The following LPA variants were observed in gnomAD, a reference collection of about 807,000 sequenced individuals.
The protein encoded by LPA is apolipoprotein(a).
Under a neutral mutation model 197.9 loss-of-function variants are expected in LPA, and 199 were observed. That is an observed-to-expected ratio of 1.01 (90% CI 0.90 to 1.13). The LOEUF (loss-of-function observed/expected upper bound fraction) is 1.13, where lower values mean the gene tolerates loss of function less well. Ranked by LOEUF, LPA falls within the 50% of genes most tolerant of loss-of-function variation. The probability of loss-of-function intolerance (pLI) is 0.00; values close to 1 mark genes in which losing one functional copy is unlikely to be tolerated. For missense variants in LPA, 1,853 were observed against 1,785.8 expected, an observed-to-expected ratio of 1.04 and a Z score of -0.68; for synonymous variants, 715 against 639.5, an observed-to-expected ratio of 1.12 and a Z score of -1.78.
At position 160,531,702 on chromosome 6, in the gene LPA, T is replaced by C. The variant is rs756954393; in HGVS notation, c.*27A>G. On this transcript the variant is annotated 3_prime_UTR_variant, in exon 39 of 39. Transcript: ENST00000316300. ...CCCACGTTTCAGCTTCTAAGTAGGT[T>C]GATGCTTCACTCTGTCTCCCGTCCA... The C allele has an allele frequency of 8.7e-6, 14 of 1,613,714 alleles. No individual in the cohort carries two copies. The African/African-American group carries it at 1.1e-4, about 12-fold the overall frequency.
intron 10 of LPA, among the ~76,000 whole-genome samples, chr6:160,624,506 TCTC>T (rs1779626612): frequency 9.9e-6 from 1 of 100,832 alleles, no homozygotes; most frequent in African/African-American, 3.4e-5. Context: ...ATCAGAGTAT[TCTC>T]CTTCTGCCTT....
At chr6:160,581,407 C>T (rs528257661) in intron 26 of LPA, among the ~76,000 whole-genome samples, 51 of 152,176 alleles carry the variant, frequency 3.4e-4, no homozygotes, top group African/African-American at 1.0e-3. Context: ...TCCAGTGATC[C>T]TCCCACCTCA....
chr6:160,537,836 G>A lies in LPA; in HGVS notation c.5842+19C>T. On this transcript the variant is annotated intron_variant, in intron 37 of 38. Coordinates refer to ENST00000316300, the MANE Select transcript of LPA (RefSeq NM_005577.4). The stretch of plus-strand genomic sequence containing the variant: ...AGGTCAAAAACAATTTGTTACGTGG[G>A]CAATGGAATTGATCTCACCTTGGGT... 2 of 1,603,600 alleles carry A rather than the reference G, an allele frequency of 1.2e-6. No individual in the cohort carries two copies. Among genetic ancestry groups the A allele is most frequent in the Non-Finnish European group, 1.7e-6 (2 of 1,170,614 alleles).
At chr6:160,652,046 G>C (rs751533749) in intron 1 of LPA, among the ~76,000 whole-genome samples, 6 of 140,812 alleles carry the variant, frequency 4.3e-5, no homozygotes, top group Non-Finnish European at 7.7e-5. Context: ...AAGCATATAA[G>C]GTTTATGAAG....
intron 30 of LPA, among the ~76,000 whole-genome samples, chr6:160,555,254 A>G (rs1429026191): frequency 7.8e-6 from 1 of 128,868 alleles, no homozygotes; most frequent in Non-Finnish European, 1.6e-5. Flanking sequence ...ATTATATTAT[A>G]TTATATTATA....
At position 160,555,077 on chromosome 6, in the gene LPA, T is replaced by A. The variant is rs143397923; in HGVS notation, c.4973+948A>T. On this transcript the variant is annotated intron_variant, in intron 30 of 38. Transcript: ENST00000316300. ...GCAGAAAGCCAGTTTTTGTCAGACC[T>A]GGTTTTTTGTCCATGTACCTGCCCA... 7.3e-3 allele frequency among the ~76,000 whole-genome samples: 1,114 copies of A among 152,042 alleles called. 14 individuals are homozygous for A. The highest frequency in any genetic ancestry group is 0.025 in the African/African-American group (1,055 of 41,490).
chr6:160,565,959 C>T lies in LPA; in HGVS notation c.4632-8388G>A, dbSNP rs182477176. Among the ~76,000 whole-genome samples the T allele has an allele frequency of 1.9e-3, 289 of 151,742 alleles. 3 individuals carry two copies. Among genetic ancestry groups the T allele is most frequent in the African/African-American group, 6.0e-3 (250 of 41,368 alleles). ...TAAAGATCAAATGAATGAAATGAAGCGAGAAGAGAAGTTTAGAGAAAAAAA... is the reference window on the plus strand; with the variant it reads ...TAAAGATCAAATGAATGAAATGAAGTGAGAAGAGAAGTTTAGAGAAAAAAA... On this transcript the variant is annotated intron_variant, in intron 28 of 38. Coordinates refer to ENST00000316300, the MANE Select transcript of LPA (RefSeq NM_005577.4).
At chr6:160,545,876 G>A (rs948993500) in intron 32 of LPA, among the ~76,000 whole-genome samples, 4 of 152,174 alleles carry the variant, frequency 2.6e-5, no homozygotes, top group Admixed American at 2.0e-4. Context: ...TGTCCCTGGG[G>A]CGCTGAGGGG....
chr6:160,564,627 T>A (rs1250616356), intron 28 of LPA, among the ~76,000 whole-genome samples: 1 of 152,172 alleles, frequency 6.6e-6, no homozygotes, highest in Non-Finnish European at 1.5e-5. Flanking sequence ...GCTGAGGTAC[T>A]GGGTTCATCT....
intron 28 of LPA, among the ~76,000 whole-genome samples, chr6:160,576,396 A>ATACACATATATATATATATATATGTG (rs1778674416): frequency 4.3e-5 from 2 of 46,944 alleles, no homozygotes; most frequent in East Asian, 9.9e-4. Context: ...ATATGTATAT[A>ATACACATATATATATATATATATGTG]TATATATATA....
At position 160,590,969 on chromosome 6, in the gene LPA, C is replaced by A. The variant is rs530552170; in HGVS notation, c.3762G>T (p.Ala1254=). 6.2e-7 allele frequency: 1 copy of A among 1,613,876 alleles called. No individual in the cohort carries two copies. Among genetic ancestry groups the A allele is most frequent in the Admixed American group, 1.7e-5 (1 of 59,982 alleles). ...QCPVTESSVL[A]TSTAVSEQAP... Reference sequence around the variant, plus strand: ...CTTGTTCAGAAACAGCCGTGGACGTCGCAAGGACACTTGATTCTGTCACTG... The same window carrying A: ...CTTGTTCAGAAACAGCCGTGGACGTAGCAAGGACACTTGATTCTGTCACTG... Residue 1254 remains alanine, a synonymous_variant, in exon 23 of 39, where the codon GCG becomes GCT. Transcript: ENST00000316300.
intron 1 of LPA, among the ~76,000 whole-genome samples, chr6:160,654,441 C>T (rs548339300): frequency 2.6e-4 from 40 of 152,100 alleles, no homozygotes; most frequent in African/African-American, 9.4e-4. Flanking sequence ...GCCACACCCT[C>T]ACAGACATAA....
In LPA at chr6:160,650,371, T is replaced by C. The variant is rs766900075; in HGVS notation, c.176A>G (p.Gln59Arg). ...GTAGTTTTCTGTGGTCCTATTATGTTGATGTGGTGTCATAGATGACCAAGC... is the reference window on the plus strand; with the variant it reads ...GTAGTTTTCTGTGGTCCTATTATGTCGATGTGGTGTCATAGATGACCAAGC... ...CQAWSSMTPH[Q>R]HNRTTENYPN... The change falls in exon 2 of 39, where the codon CAA becomes CGA. Residue 59 changes from glutamine to arginine, a missense_variant. By Grantham distance (43) the Gln-to-Arg change is conservative (BLOSUM62 1). This residue lies in a region of LPA where 88 missense variants were observed against 83.0 expected (regional missense o/e 1.06). Coordinates refer to ENST00000316300, the MANE Select transcript of LPA (RefSeq NM_005577.4). The C allele has an allele frequency of 6.2e-7, 1 of 1,613,894 alleles. No individual in the cohort carries two copies.
chr6:160,548,060 A>G (rs548115302), intron 31 of LPA, 123 bp from the exon 32 acceptor site: 5 of 977,652 alleles, frequency 5.1e-6, no homozygotes, highest in Admixed American at 1.9e-5. Context: ...ATCAGGGGCC[A>G]CATCCCTCAG....
intron 28 of LPA, among the ~76,000 whole-genome samples, chr6:160,560,966 G>C (rs1778351219): frequency 6.6e-6 from 1 of 152,072 alleles, no homozygotes; most frequent in East Asian, 1.9e-4. Context: ...CTGGAGTGCA[G>C]TGGCACAATC....
At chr6:160,597,473 T>C (rs1202319978) in intron 20 of LPA, among the ~76,000 whole-genome samples, 2 of 152,190 alleles carry the variant, frequency 1.3e-5, no homozygotes, top group African/African-American at 4.8e-5. Context: ...TGTGGGTGTG[T>C]GCACGTGTGC....
In LPA at chr6:160,611,437, ACATTTTGCTACAC is replaced by A. The variant is rs1779514575; in HGVS notation, c.2603+112_2603+124del. On this transcript the variant is annotated intron_variant, in intron 16 of 38. Transcript: ENST00000316300. ...TTAGCTCCAAGGAAATCATCCTGAG[ACATTTTGCTACAC>A]CATCTGAATCTGACACAAGTTGAGT... 5 of 1,511,950 alleles carry A rather than the reference ACATTTTGCTACAC, an allele frequency of 3.3e-6. No individual in the cohort carries two copies. The East Asian group carries it at 1.1e-4, about 34-fold the overall frequency. 93.7% of individuals were successfully genotyped at this position (1,511,950 alleles called of 1,614,324 possible). A position where few individuals can be genotyped will look rare whatever the true frequency, so the allele number is the denominator to read the frequency against.
chr6:160,591,239 A>C (rs1207292886), intron 22 of LPA, 138 bp from the exon 23 acceptor site: 1 of 1,101,940 alleles, frequency 9.1e-7, no homozygotes, highest in African/African-American at 1.6e-5. Context: ...TAACAATCAC[A>C]AATCGTCCTC....
chr6:160,550,151 T>C (rs989411825), intron 30 of LPA, among the ~76,000 whole-genome samples: 32 of 151,226 alleles, frequency 2.1e-4, no homozygotes, highest in African/African-American at 7.8e-4. Flanking sequence ...AACCCTGGAG[T>C]TGGAGGCTGC....
Sources: gnomAD v4.1 joint callset for allele counts (sites outside exome capture counted in the v4.1 genomes callset) on GRCh38, gnomAD v4.1.1 for gene constraint, gnomAD v4.1.1 regional missense constraint, MANE v1.5 for transcripts, NCBI Gene and HGNC (gene_info 2026-07-23, HGNC 2026-07-21) for gene names.